Variants in CNTN4 observed in about 807,000 individuals in gnomAD.
CNTN4 encodes the protein contactin 4, also known as contactin-4.
A neutral mutation model predicts 122.5 loss-of-function variants in CNTN4; 77 were observed. That is an observed-to-expected ratio of 0.63 (90% confidence interval 0.52 to 0.76). The LOEUF (loss-of-function observed/expected upper bound fraction) is 0.76. Ranked by LOEUF, CNTN4 falls within the 30% of genes least tolerant of loss-of-function variation. CNTN4 has a pLI of 0.00. For missense variants in CNTN4, 1,256 were observed against 1,259.1 expected (o/e 1.00, Z 0.04); for synonymous variants, 512 against 447.0 (o/e 1.15, Z -1.83).
chr3:2,987,034 C>G (rs1388901817), intron 13 of CNTN4, among the ~76,000 whole-genome samples: 1 of 152,138 alleles, frequency 6.6e-6, no homozygotes, highest in African/African-American at 2.4e-5. Context: ...TGGGAGAGAT[C>G]TATCAGGAAA....
At chr3:2,515,427 A>T (rs2077012093) in intron 3 of CNTN4, among the ~76,000 whole-genome samples, 2 of 152,188 alleles carry the variant, frequency 1.3e-5, no homozygotes, top group Non-Finnish European at 2.9e-5. Context: ...TGATTTTTAA[A>T]AAGAGAAAAT....
At chr3:2,532,198 T>A (rs1314901412) in intron 3 of CNTN4, among the ~76,000 whole-genome samples, 1 of 152,206 alleles carries the variant, frequency 6.6e-6, no homozygotes, top group Non-Finnish European at 1.5e-5. Context: ...TAGACTAGTA[T>A]TTCTCTATTT....
intron 2 of CNTN4, among the ~76,000 whole-genome samples, chr3:2,193,785 TA>T (rs1222891931): frequency 1.3e-5 from 2 of 152,220 alleles, no homozygotes; most frequent in Non-Finnish European, 2.9e-5. Context: ...TTTCTACGTT[TA>T]AATTTGTTTA....
intron 6 of CNTN4, among the ~76,000 whole-genome samples, chr3:2,754,122 T>G (rs1163002413): frequency 6.6e-6 from 1 of 152,158 alleles, no homozygotes; most frequent in East Asian, 1.9e-4. Flanking sequence ...CTCCCCTACA[T>G]GTGAGAAAGA....
At position 2,368,005 on chromosome 3, in the gene CNTN4, T is replaced by C. The variant is rs374811474; in HGVS notation, c.-89+28772T>C. ...ACTATAGCTTTACAATTCAGCACTT[T>C]ATCCAAATACAGCTAGAAAACTTCT... On this transcript the variant is annotated intron_variant, in intron 3 of 24. Coordinates refer to ENST00000418658, the MANE Select transcript of CNTN4 (RefSeq NM_175607.3). 1.2e-4 allele frequency among the ~76,000 whole-genome samples: 18 copies of C among 151,580 alleles called. No homozygotes were observed. The South Asian group carries it at 3.6e-3, about 30-fold the overall frequency.
At chr3:2,428,470 G>A (rs35406111) in intron 3 of CNTN4, among the ~76,000 whole-genome samples, 34,198 of 152,086 alleles carry the variant, frequency 0.22, 4,958 homozygotes, top group Non-Finnish European at 0.33. Flanking sequence ...TTCTCTTAGC[G>A]GGTAACCCAA....
chr3:2,947,545 A>G (rs377636802), intron 13 of CNTN4, among the ~76,000 whole-genome samples: 1 of 152,208 alleles, frequency 6.6e-6, no homozygotes, highest in African/African-American at 2.4e-5. Context: ...TTATTTTACC[A>G]TGAATGGTTA....
intron 4 of CNTN4, among the ~76,000 whole-genome samples, chr3:2,681,406 C>G (rs1484483782): frequency 6.6e-6 from 1 of 152,122 alleles, no homozygotes; most frequent in Non-Finnish European, 1.5e-5. Flanking sequence ...CACATGGGCT[C>G]TCAAATACCT....
At chr3:2,245,878 C>T (rs1392600256) in intron 2 of CNTN4, among the ~76,000 whole-genome samples, 1 of 151,998 alleles carries the variant, frequency 6.6e-6, no homozygotes, top group Non-Finnish European at 1.5e-5. Flanking sequence ...TACTTAAATC[C>T]TAGCACTAGA....
At chr3:2,373,753 C>T (rs1294766333) in intron 3 of CNTN4, among the ~76,000 whole-genome samples, 1 of 152,130 alleles carries the variant, frequency 6.6e-6, no homozygotes, top group Admixed American at 6.5e-5. Context: ...CAGATAGATA[C>T]TGTGCAGATA....
chr3:2,385,143 A>C lies in CNTN4; in HGVS notation c.-89+45910A>C, dbSNP rs1230796467. Among the ~76,000 whole-genome samples the C allele has an allele frequency of 1.3e-5, 2 of 152,148 alleles. No homozygotes were observed. The highest frequency in any genetic ancestry group is 4.8e-5 in the African/African-American group (2 of 41,436). ...TAAAAGTATAAACATATCATTTTCTACTTTAAACCATAATCCATAACTCAT... is the reference window on the plus strand; with the variant it reads ...TAAAAGTATAAACATATCATTTTCTCCTTTAAACCATAATCCATAACTCAT... On this transcript the variant is annotated intron_variant, in intron 3 of 24. Coordinates refer to ENST00000418658, the MANE Select transcript of CNTN4 (RefSeq NM_175607.3). The surrounding 1 kb of genome is among the most constrained non-coding windows in gnomAD (Gnocchi z 4.0).
intron 4 of CNTN4, among the ~76,000 whole-genome samples, chr3:2,683,678 A>T (rs2085283825): frequency 6.6e-6 from 1 of 152,176 alleles, no homozygotes; most frequent in African/African-American, 2.4e-5. Flanking sequence ...ACAAGAACCC[A>T]GTAAGGTAAT....
chr3:2,780,368 G>C (rs2091520684), intron 6 of CNTN4, among the ~76,000 whole-genome samples: 1 of 152,218 alleles, frequency 6.6e-6, no homozygotes, highest in African/African-American at 2.4e-5. Flanking sequence ...TCTCAGCCCT[G>C]TTCCCCTAAA....
intron 4 of CNTN4, 64 bp downstream of exon 4, chr3:2,571,622 G>C: frequency 8.3e-7 from 1 of 1,206,004 alleles, no homozygotes; most frequent in South Asian, 1.2e-5. Flanking sequence ...TAATTCAAAA[G>C]TGGGCCTTCA....
At chr3:2,272,573 T>C (rs1212134809) in intron 2 of CNTN4, among the ~76,000 whole-genome samples, 1 of 152,198 alleles carries the variant, frequency 6.6e-6, no homozygotes, top group Admixed American at 6.5e-5. Context: ...TACCAAAAGA[T>C]ATGAGAATAT....
chr3:2,163,606 A>T (rs772441406), intron 2 of CNTN4, among the ~76,000 whole-genome samples: 8 of 152,176 alleles, frequency 5.3e-5, no homozygotes, highest in Non-Finnish European at 7.3e-5. Context: ...TATGCATCTG[A>T]CAAAGGACTA....
intron 3 of CNTN4, among the ~76,000 whole-genome samples, chr3:2,374,841 A>G (rs2150698750): frequency 6.6e-6 from 1 of 152,312 alleles, no homozygotes; most frequent in East Asian, 1.9e-4. Flanking sequence ...CACCCTTAGC[A>G]ATGCTAATCA....
intron 2 of CNTN4, among the ~76,000 whole-genome samples, chr3:2,264,351 A>G (rs976084902): frequency 3.9e-5 from 6 of 151,966 alleles, no homozygotes; most frequent in African/African-American, 1.2e-4. Context: ...TTTTACTTGT[A>G]CTTTTCTTGA....
At chr3:2,871,220 A>G (rs1430935973) in intron 8 of CNTN4, among the ~76,000 whole-genome samples, 6 of 152,354 alleles carry the variant, frequency 3.9e-5, no homozygotes, top group Non-Finnish European at 5.9e-5. Flanking sequence ...AAGGGTAACA[A>G]CATCTACCTC....
Sources: allele counts gnomAD v4.1 joint callset (sites outside exome capture counted in the v4.1 genomes callset), GRCh38; gene constraint gnomAD v4.1.1; non-coding constraint Gnocchi (gnomAD v3.1); transcripts MANE v1.5; gene names NCBI Gene and HGNC (gene_info 2026-07-23, HGNC 2026-07-21).